The following FHIT variants were observed in gnomAD, a reference collection of about 807,000 sequenced individuals.
FHIT encodes fragile histidine triad diadenosine triphosphatase.
In FHIT, 19 loss-of-function variants were observed where a neutral mutation model predicts 17.9. The observed-to-expected ratio is 1.06, with a 90% confidence interval of 0.74 to 1.56. The LOEUF (loss-of-function observed/expected upper bound fraction) is 1.56. FHIT is among the 40% of genes most tolerant of loss of function. FHIT has a pLI of 0.00. For missense variants in FHIT, 248 were observed against 189.2 expected (o/e 1.31, Z -1.82); for synonymous variants, 81 against 69.7 (o/e 1.16, Z -0.81).
chr3:59,776,261 G>A (rs952827713), intron 8 of FHIT, among the ~76,000 whole-genome samples: 2 of 152,202 alleles, frequency 1.3e-5, no homozygotes, highest in African/African-American at 4.8e-5. Flanking sequence ...AATTTCCTCT[G>A]AAATGGGCTG....
At chr3:60,094,049 A>G (rs1333871853) in intron 5 of FHIT, among the ~76,000 whole-genome samples, 1 of 152,154 alleles carries the variant, frequency 6.6e-6, no homozygotes, top group Non-Finnish European at 1.5e-5. Context: ...GTGCTCTCAG[A>G]GCCCCCAGAA....
At chr3:61,084,939 A>T (rs6445191) in intron 2 of FHIT, among the ~76,000 whole-genome samples, 90,341 of 151,976 alleles carry the variant, frequency 0.59, 27,858 homozygotes, top group Middle Eastern at 0.7. Context: ...TTCACTTCAC[A>T]TAATACTTTT....
At chr3:61,182,638 A>G (rs2038376721) in intron 2 of FHIT, among the ~76,000 whole-genome samples, 1 of 152,164 alleles carries the variant, frequency 6.6e-6, no homozygotes, top group Non-Finnish European at 1.5e-5. Flanking sequence ...GAATGATAGA[A>G]TTCTCAACAC....
chr3:61,134,046 G>A (rs1233556245), intron 2 of FHIT, among the ~76,000 whole-genome samples: 10 of 151,382 alleles, frequency 6.6e-5, no homozygotes, highest in African/African-American at 1.7e-4. Context: ...CTGAGATCGC[G>A]CCACTGCACT....
chr3:60,238,337 T>C (rs987297155), intron 5 of FHIT, among the ~76,000 whole-genome samples: 2 of 151,430 alleles, frequency 1.3e-5, no homozygotes, highest in African/African-American at 4.9e-5. Flanking sequence ...ATCTTAGCGA[T>C]ATTTAATAAT....
intron 8 of FHIT, among the ~76,000 whole-genome samples, chr3:59,839,366 C>G (rs113701397): frequency 0.054 from 8,160 of 151,800 alleles, 274 homozygotes; most frequent in Non-Finnish European, 0.076. Flanking sequence ...CACCTCTTAT[C>G]ATTAGTACCA....
intron 3 of FHIT, among the ~76,000 whole-genome samples, chr3:60,968,658 G>A (rs767539370): frequency 7.2e-5 from 11 of 152,220 alleles, no homozygotes; most frequent in Non-Finnish European, 1.0e-4. Context: ...TGATCCACCC[G>A]CCTTGGCCTC....
chr3:60,303,860 G>A (rs1344079917), intron 5 of FHIT, among the ~76,000 whole-genome samples: 1 of 152,158 alleles, frequency 6.6e-6, no homozygotes, highest in Non-Finnish European at 1.5e-5. Flanking sequence ...GCTCTCAGAT[G>A]AGGGACTGGA....
intron 7 of FHIT, among the ~76,000 whole-genome samples, chr3:59,990,716 C>T (rs527931166): frequency 6.6e-6 from 1 of 152,132 alleles, no homozygotes; most frequent in South Asian, 2.1e-4. Context: ...TGATGTGGCT[C>T]AATAACCACT....
chr3:60,440,279 T>A (rs2030677375), intron 5 of FHIT, among the ~76,000 whole-genome samples: 1 of 152,038 alleles, frequency 6.6e-6, no homozygotes, highest in African/African-American at 2.4e-5. Context: ...TTTCTCCCAA[T>A]CAGGGAAATT....
At chr3:59,847,493 C>A (rs1168851640) in intron 8 of FHIT, among the ~76,000 whole-genome samples, 3 of 152,068 alleles carry the variant, frequency 2.0e-5, no homozygotes, top group Non-Finnish European at 4.4e-5. Context: ...TCTTGACTTT[C>A]CCCAATTATT....
At chr3:60,151,199 C>T (rs6788677) in intron 5 of FHIT, among the ~76,000 whole-genome samples, 109,595 of 152,004 alleles carry the variant, frequency 0.72, 40,969 homozygotes, top group Non-Finnish European at 0.83. Flanking sequence ...GATTTAAGAA[C>T]AGTATGAACC....
chr3:60,236,878 A>G (rs1204743431), intron 5 of FHIT, among the ~76,000 whole-genome samples: 4 of 152,190 alleles, frequency 2.6e-5, no homozygotes, highest in African/African-American at 9.6e-5. Context: ...ACATATGCAC[A>G]TATACAAGCT....
intron 3 of FHIT, among the ~76,000 whole-genome samples, chr3:60,940,947 A>T (rs1261477259): frequency 6.6e-6 from 1 of 152,212 alleles, no homozygotes; most frequent in Non-Finnish European, 1.5e-5. Context: ...GAAATATCAT[A>T]GGAGCCACAT....
At chr3:60,133,331 G>C (rs887111893) in intron 5 of FHIT, among the ~76,000 whole-genome samples, 1 of 152,098 alleles carries the variant, frequency 6.6e-6, no homozygotes, top group Non-Finnish European at 1.5e-5. Context: ...TGGAAACTGA[G>C]TAATAAAAGG....
At chr3:60,333,050 G>A (rs1710063551) in intron 5 of FHIT, among the ~76,000 whole-genome samples, 1 of 152,130 alleles carries the variant, frequency 6.6e-6, no homozygotes. Flanking sequence ...CTAATAAACT[G>A]AAATGAAGGC....
At chr3:60,720,919 T>C (rs2041795450) in intron 4 of FHIT, among the ~76,000 whole-genome samples, 1 of 152,184 alleles carries the variant, frequency 6.6e-6, no homozygotes, top group African/African-American at 2.4e-5. Context: ...TCTCCATCTA[T>C]TACCCAAGCC....
chr3:59,971,004 G>T (rs771886696), intron 7 of FHIT, among the ~76,000 whole-genome samples: 5 of 152,036 alleles, frequency 3.3e-5, no homozygotes, highest in Admixed American at 6.6e-5. Flanking sequence ...GGACTTGTCA[G>T]CAGCTCAGCT....
chr3:60,116,777 A>G (rs565098393), intron 5 of FHIT, among the ~76,000 whole-genome samples: 3 of 152,276 alleles, frequency 2.0e-5, no homozygotes, highest in Admixed American at 2.0e-4. Context: ...ACCATGACGC[A>G]AATGACTTTC....
Sources: allele counts gnomAD v4.1 joint callset (sites outside exome capture counted in the v4.1 genomes callset), GRCh38; gene constraint gnomAD v4.1.1; transcripts MANE v1.5; gene names NCBI Gene and HGNC (gene_info 2026-07-23, HGNC 2026-07-21).